EXOC3: variants seen among roughly 807,000 people sequenced by gnomAD.
The protein encoded by EXOC3 is SEC6-like 1.
EXOC3 carries 21 observed loss-of-function variants against 73.7 expected under a neutral mutation model. The observed-to-expected ratio is 0.29, with a 90% CI of 0.20 to 0.41. The LOEUF (loss-of-function observed/expected upper bound fraction) is 0.41, where lower values mean the gene tolerates loss of function less well. Ranked by LOEUF, EXOC3 falls within the 10% of genes least tolerant of loss-of-function variation. EXOC3 has a pLI of 1.00. For synonymous variants in EXOC3, 410 were observed against 389.1 expected (o/e 1.05, Z -0.63); for missense variants, 842 against 985.1 (o/e 0.85, Z 1.95).
intron 9 of EXOC3, among the ~76,000 whole-genome samples, chr5:463,782 C>T (rs1738055590): frequency 6.6e-6 from 1 of 152,022 alleles, no homozygotes; most frequent in South Asian, 2.1e-4. Flanking sequence ...TTCACTGTTG[C>T]ATTATTGCAA....
rs1737543259 is a variant in EXOC3, at chr5:447,597, A to C, written c.209A>C (p.Asn70Thr). The C allele has an allele frequency of 8.8e-6, 14 of 1,590,676 alleles. No individual in the cohort carries two copies. Among genetic ancestry groups the C allele is most frequent in the Non-Finnish European group, 1.0e-5 (12 of 1,168,588 alleles). The change falls in exon 3 of 13, where the codon AAT (asparagine) becomes ACT (threonine). Residue 70 changes from asparagine (N) to threonine (T), a missense_variant. Coordinates refer to ENST00000512944, the MANE Select transcript of EXOC3 (RefSeq NM_007277.5). ...TGLSQLHNAL[N>T]DVKDIQQSLA... is the part of the protein sequence containing the mutation. ...CTCAGCCAGCTCCACAACGCCCTGA[A>C]TGACGTCAAAGACATCCAGCAGTCG...
chr5:463,812 T>A (rs112139290), intron 9 of EXOC3, among the ~76,000 whole-genome samples: 1 of 152,374 alleles, frequency 6.6e-6, no homozygotes, highest in East Asian at 1.9e-4. Flanking sequence ...AAAATTTAAA[T>A]GTCCATCAAT....
chr5:459,490 A>T, intron 7 of EXOC3, 31 bp downstream of exon 7: 1 of 1,191,932 alleles, frequency 8.4e-7, no homozygotes, highest in South Asian at 1.4e-5. Context: ...GCTAATGTAC[A>T]CATTGAATGT....
Position 465,174 on chromosome 5 carries a change from C to T in EXOC3, c.1840C>T (p.Arg614Cys). 4 of 1,597,372 alleles carry T rather than the reference C, an allele frequency of 2.5e-6. No individual in the cohort carries two copies. The highest frequency in any genetic ancestry group is 3.4e-6 in the Non-Finnish European group (4 of 1,172,544). The change falls in exon 11 of 13, where the codon CGC becomes TGC. Residue 614 changes from arginine (R) to cysteine (C), a missense_variant. Coordinates refer to ENST00000512944, the MANE Select transcript of EXOC3 (RefSeq NM_007277.5). The part of the protein sequence containing the change: ...VEYLRAVMQK[R>C]ISFRSPEERK... Reference sequence around the variant, plus strand: ...GTACCTGCGGGCGGTCATGCAGAAGCGCATTTCCTTCCGGAGCCCGGAGGA... The same window carrying T: ...GTACCTGCGGGCGGTCATGCAGAAGTGCATTTCCTTCCGGAGCCCGGAGGA...
intron 9 of EXOC3, chr5:462,511 A>C: frequency 3.4e-6 from 2 of 581,426 alleles, no homozygotes; most frequent in South Asian, 4.2e-5. Flanking sequence ...TCTTACGCAC[A>C]ATTCAGTAGA....
At chr5:459,705 C>T (rs1056947839) in intron 7 of EXOC3, 9 of 304,448 alleles carry the variant, frequency 3.0e-5, no homozygotes, top group South Asian at 9.1e-5. Context: ...CTTAGCGATG[C>T]GCCGGATGAC....
rs1737729137 is a variant in EXOC3 at position 453,944 on chromosome 5, C to T, written c.939C>T (p.Asn313=). 1 of 1,613,892 alleles carries T rather than the reference C, an allele frequency of 6.2e-7. No individual in the cohort carries two copies. The highest frequency in any genetic ancestry group is 8.5e-7 in the Non-Finnish European group (1 of 1,179,890). Residue 313 remains asparagine, a synonymous_variant, in exon 4 of 13, where the codon AAC becomes AAT. Coordinates refer to ENST00000512944, the MANE Select transcript of EXOC3 (RefSeq NM_007277.5). The part of the protein sequence containing the change: ...PHYEIFKNLL[N]MYHQALSTRM... ...ATGAGATCTTTAAGAACCTCCTGAA[C>T]ATGTACCACCAAGCCCTGAGCACGC...
chr5:460,751 A>C (rs1172534246), intron 7 of EXOC3, among the ~76,000 whole-genome samples: 1 of 152,186 alleles, frequency 6.6e-6, no homozygotes, highest in Non-Finnish European at 1.5e-5. Flanking sequence ...GTCCATGGGG[A>C]TCTTGGCCTG....
At chr5:454,413 C>T (rs1048121744) in intron 4 of EXOC3, among the ~76,000 whole-genome samples, 3 of 152,240 alleles carry the variant, frequency 2.0e-5, no homozygotes, top group Non-Finnish European at 4.4e-5. Context: ...CAGGTGAGGA[C>T]ACATGGTCCC....
rs1415144753 is a variant in EXOC3 at position 464,405 on chromosome 5, ATAAGAAGG to A, written c.1776+3_1776+10del. 2 of 1,613,446 alleles carry A rather than the reference ATAAGAAGG, an allele frequency of 1.2e-6. No homozygotes were observed. The highest frequency in any genetic ancestry group is 1.1e-5 in the South Asian group (1 of 91,058). On this transcript the variant is annotated splice_donor_variant and coding_sequence_variant, in exon 10 of 13. Coordinates refer to ENST00000512944, the MANE Select transcript of EXOC3 (RefSeq NM_007277.5). LOFTEE classifies it high-confidence loss of function. ...GATTTTGCCAAAATTAAAAAGCCGTATAAGAAGGTAAGAAGGTGGGACCTAGTTCCCTC... is the reference window on the plus strand; with the variant it reads ...GATTTTGCCAAAATTAAAAAGCCGTATAAGAAGGTGGGACCTAGTTCCCTC...
At chr5:464,743 C>T (rs1277704004) in intron 10 of EXOC3, 5 of 410,414 alleles carry the variant, frequency 1.2e-5, no homozygotes, top group African/African-American at 2.0e-5. Flanking sequence ...CCTGCAGGAC[C>T]CAGGTTCCTC....
rs764212752 is a variant in EXOC3, at chr5:462,258, C to T, written c.1604C>T (p.Ala535Val). Residue 535 changes from alanine to valine, a missense_variant, in exon 9 of 13, where the codon GCG (alanine) becomes GTG (valine). Coordinates refer to ENST00000512944, the MANE Select transcript of EXOC3 (RefSeq NM_007277.5). ...ATGGACGGGATTTTAGACGCCATCG[C>T]GAAGGAGGGCTGCAGCGGTTTGCTG... is the stretch of plus-strand genomic sequence containing the variant. Reference protein sequence around the residue: ...PSMDGILDAIAKEGCSGLLEE... With the variant: ...PSMDGILDAIVKEGCSGLLEE... 88 of 1,613,958 alleles carry T rather than the reference C, an allele frequency of 5.5e-5. No homozygotes were observed. Among genetic ancestry groups the T allele is most frequent in the Non-Finnish European group, 6.9e-5 (82 of 1,179,894 alleles).
At chr5:463,059 C>T (rs1041044065) in intron 9 of EXOC3, among the ~76,000 whole-genome samples, 8 of 152,246 alleles carry the variant, frequency 5.3e-5, no homozygotes, top group Admixed American at 3.9e-4. Context: ...GAGCAGAGAT[C>T]GCGCCATTGC....
Position 447,534 on chromosome 5 carries a change from C to G in EXOC3, c.146C>G (p.Ala49Gly). Residue 49 changes from alanine to glycine, a missense_variant and splice_region_variant, in exon 3 of 13, where the codon GCC becomes GGC. Ala to Gly is a moderately conservative substitution (Grantham distance 60). Transcript: ENST00000512944. ...CACCCGTGTGGCGTCTCTCTTTAGG[C>G]CGCCATCCAGTCACAGTTGGACGGG... ...KKASVEARLKAAIQSQLDGVR... is the reference protein window; with the variant it reads ...KKASVEARLKGAIQSQLDGVR... 1.3e-6 allele frequency: 2 copies of G among 1,555,236 alleles called. No individual in the cohort carries two copies. Among genetic ancestry groups the G allele is most frequent in the Non-Finnish European group, 1.7e-6 (2 of 1,147,324 alleles).
intron 12 of EXOC3, 132 bp downstream of exon 12, chr5:465,977 G>A (rs1738136718): frequency 4.1e-6 from 4 of 985,396 alleles, no homozygotes; most frequent in East Asian, 2.7e-5. Context: ...GTTCAGGTGC[G>A]GCACAGCGGG....
intron 9 of EXOC3, among the ~76,000 whole-genome samples, chr5:463,135 C>T (rs1298690712): frequency 6.6e-6 from 1 of 152,006 alleles, no homozygotes; most frequent in African/African-American, 2.4e-5. Flanking sequence ...ATAATAAGAC[C>T]ATGGCCATCT....
At chr5:466,464 C>T (rs528675282) in intron 12 of EXOC3, 108 of 481,598 alleles carry the variant, frequency 2.2e-4, no homozygotes, top group African/African-American at 1.9e-3. Context: ...CTTGAGCTCT[C>T]CACGGTCTCC....
chr5:453,454 G>A lies in EXOC3; in HGVS notation c.449G>A (p.Cys150Tyr), dbSNP rs1456246834. 5 of 1,612,294 alleles carry A rather than the reference G, an allele frequency of 3.1e-6. No homozygotes were observed. In the Admixed American group the frequency reaches 8.4e-5, roughly 27 times the overall value. ...CACCGGAAGCTGATGGACCTGGAGT[G>A]CTCCCGGGACGGGCTGATGTACGAG... ...QAHRKLMDLE[C>Y]SRDGLMYEQY... Residue 150 changes from cysteine to tyrosine, a missense_variant, in exon 4 of 13, where the codon TGC (cysteine) becomes TAC (tyrosine). Coordinates refer to ENST00000512944, the MANE Select transcript of EXOC3 (RefSeq NM_007277.5).
At chr5:464,729 C>T (rs1738087716) in intron 10 of EXOC3, 1 of 408,080 alleles carries the variant, frequency 2.5e-6, no homozygotes, top group Non-Finnish European at 4.5e-6. Context: ...TTCAGACCCT[C>T]CTTCCTGCAG....
Sources: gnomAD v4.1 joint callset for allele counts (sites outside exome capture counted in the v4.1 genomes callset) on GRCh38, gnomAD v4.1.1 for gene constraint, MANE v1.5 for transcripts, NCBI Gene and HGNC (gene_info 2026-07-23, HGNC 2026-07-21) for gene names.